The following HIVEP3 variants were observed in gnomAD, a reference collection of about 807,000 sequenced individuals.
The protein encoded by HIVEP3 is transcription factor HIVEP3.
HIVEP3 carries 49 observed loss-of-function variants against 152.8 expected under a neutral mutation model. The observed-to-expected ratio is 0.32, with a 90% CI of 0.26 to 0.41. HIVEP3 has a LOEUF of 0.41. Ranked by LOEUF, HIVEP3 falls within the 10% of genes least tolerant of loss-of-function variation. HIVEP3 has a pLI of 1.00. For synonymous variants in HIVEP3, 1,269 were observed against 1,289.0 expected (o/e 0.98, Z 0.33); for missense variants, 2,790 against 3,103.3 (o/e 0.90, Z 2.40).
chr1:41,526,424 A>G (rs151178623), intron 5 of HIVEP3, among the ~76,000 whole-genome samples: 9 of 106,246 alleles, frequency 8.5e-5, no homozygotes, highest in Admixed American at 9.8e-5. Context: ...TCACCCTCAC[A>G]CTCACCCTCA....
upstream of HIVEP3, among the ~76,000 whole-genome samples, chr1:41,921,192 A>G (rs1394488969): frequency 6.6e-6 from 1 of 152,216 alleles, no homozygotes; most frequent in Non-Finnish European, 1.5e-5. Context: ...TAATATGGGA[A>G]GATACAAAGT....
At chr1:41,626,537 C>A (rs568080200) in intron 3 of HIVEP3, among the ~76,000 whole-genome samples, 2 of 152,218 alleles carry the variant, frequency 1.3e-5, no homozygotes, top group Admixed American at 6.5e-5. Flanking sequence ...TGCAGAGGAC[C>A]CCCCATCTGT....
chr1:41,530,133 A>T (rs1056340482), intron 5 of HIVEP3, among the ~76,000 whole-genome samples: 1 of 152,058 alleles, frequency 6.6e-6, no homozygotes, highest in Non-Finnish European at 1.5e-5. Flanking sequence ...AGATTTGGCC[A>T]ACTGATGCCG....
intron 1 of HIVEP3, among the ~76,000 whole-genome samples, chr1:41,808,783 A>G (rs181497090): frequency 6.6e-6 from 1 of 152,240 alleles, no homozygotes; most frequent in Non-Finnish European, 1.5e-5. Flanking sequence ...TACTTAAAAT[A>G]GGTTTATTCA....
intron 1 of HIVEP3, among the ~76,000 whole-genome samples, chr1:41,794,573 A>G (rs548611373): frequency 7.9e-5 from 12 of 151,816 alleles, no homozygotes; most frequent in Admixed American, 3.9e-4. Context: ...GGGTCCTCAC[A>G]CCCTAACAAA....
chr1:42,023,470 G>A (rs1251517415), intron 1 of HIVEP3, among the ~76,000 whole-genome samples: 1 of 152,074 alleles, frequency 6.6e-6, no homozygotes, highest in Non-Finnish European at 1.5e-5. Flanking sequence ...CTGTGTCCCT[G>A]CCCAAATCTC....
chr1:41,590,774 T>C (rs189903349), intron 3 of HIVEP3, among the ~76,000 whole-genome samples: 1 of 152,224 alleles, frequency 6.6e-6, no homozygotes, highest in African/African-American at 2.4e-5. Context: ...GATCAGGGTT[T>C]AGTTCTAAAG....
intron 1 of HIVEP3, among the ~76,000 whole-genome samples, chr1:41,886,712 CAAAAAAAAAA>C (rs71062602): frequency 5.0e-4 from 44 of 87,780 alleles, no homozygotes; most frequent in African/African-American, 9.2e-4. Context: ...AACTCCATTT[CAAAAAAAAAA>C]AAAAAAAAAA....
At chr1:41,728,199 T>C (rs947603603) in intron 1 of HIVEP3, among the ~76,000 whole-genome samples, 1 of 152,200 alleles carries the variant, frequency 6.6e-6, no homozygotes, top group Non-Finnish European at 1.5e-5. Flanking sequence ...CTGTGCAACC[T>C]TGAGCAAGTG....
chr1:41,535,722 A>G (rs1322305748), intron 5 of HIVEP3: 8 of 152,296 alleles, frequency 5.3e-5, no homozygotes, highest in Admixed American at 2.6e-4. Flanking sequence ...AGATCCTTAA[A>G]CAACCCCTTG....
chr1:41,870,368 T>A (rs970067083), intron 1 of HIVEP3, among the ~76,000 whole-genome samples: 1 of 152,214 alleles, frequency 6.6e-6, no homozygotes, highest in Admixed American at 6.5e-5. Context: ...CTTTTCAACG[T>A]TGCAATTAAA....
chr1:41,648,493 G>C (rs939090549), intron 2 of HIVEP3, among the ~76,000 whole-genome samples: 1 of 152,220 alleles, frequency 6.6e-6, no homozygotes, highest in Admixed American at 6.5e-5. Flanking sequence ...GTCCCACTAG[G>C]GGGGCCAGGG....
At chr1:41,936,727 T>A (rs564110507) in intron 1 of HIVEP3, among the ~76,000 whole-genome samples, 1 of 152,332 alleles carries the variant, frequency 6.6e-6, no homozygotes, top group East Asian at 1.9e-4. Context: ...AATCATTCTG[T>A]TATCTCAAGG....
chr1:41,688,478 A>G (rs1416369155), intron 2 of HIVEP3, among the ~76,000 whole-genome samples: 2 of 152,206 alleles, frequency 1.3e-5, no homozygotes, highest in Admixed American at 6.5e-5. Context: ...TCTGGGATCC[A>G]GGTTTCTGGC....
intron 1 of HIVEP3, among the ~76,000 whole-genome samples, chr1:41,935,546 T>A (rs72949469): frequency 0.038 from 5,849 of 152,006 alleles, 361 homozygotes; most frequent in African/African-American, 0.13. Context: ...ACATGACAAC[T>A]GACCTTTCTG....
At chr1:41,822,294 G>T (rs749805740) in intron 1 of HIVEP3, among the ~76,000 whole-genome samples, 1 of 152,164 alleles carries the variant, frequency 6.6e-6, no homozygotes, top group African/African-American at 2.4e-5. Context: ...TATAAGCCAC[G>T]AGGTCTCAAA....
chr1:41,947,316 A>G (rs754830741), intron 1 of HIVEP3, among the ~76,000 whole-genome samples: 81 of 152,234 alleles, frequency 5.3e-4, no homozygotes, highest in Non-Finnish European at 5.7e-4. Context: ...CTGTGGCTAC[A>G]AGGTTTCCAA....
rs76237401 is a variant in HIVEP3 at position 41,975,428 on chromosome 1, G to T, written n.120-56904C>A. Reference sequence around the variant, plus strand: ...AGGAATGCCCACCACAATGTTTCCAGGCAAGCTCCTATGGTAGCAGATAGT... The same window carrying T: ...AGGAATGCCCACCACAATGTTTCCATGCAAGCTCCTATGGTAGCAGATAGT... On this transcript the variant is annotated intron_variant and non_coding_transcript_variant, in intron 1 of 3. Transcript: ENST00000489103. Among the ~76,000 whole-genome samples, 59 of 152,282 alleles carry T rather than the reference G, an allele frequency of 3.9e-4. No individual in the cohort carries two copies. The Middle Eastern group carries it at 0.017, about 44-fold the overall frequency.
chr1:41,944,018 C>G (rs919828220), intron 1 of HIVEP3, among the ~76,000 whole-genome samples: 3 of 152,080 alleles, frequency 2.0e-5, no homozygotes, highest in African/African-American at 7.2e-5. Flanking sequence ...AAGTCAGTCA[C>G]AAAATAACAA....
Sources: allele counts gnomAD v4.1 joint callset (sites outside exome capture counted in the v4.1 genomes callset), GRCh38; gene constraint gnomAD v4.1.1; transcripts MANE v1.5; gene names NCBI Gene and HGNC (gene_info 2026-07-23, HGNC 2026-07-21).